PIGG: variants seen among roughly 807,000 people sequenced by gnomAD.
The protein encoded by PIGG is GPI ethanolamine phosphate transferase 2, catalytic subunit.
A neutral mutation model predicts 83.2 loss-of-function variants in PIGG; 70 were observed. The observed-to-expected ratio is 0.84, with a 90% confidence interval of 0.69 to 1.03. The LOEUF (loss-of-function observed/expected upper bound fraction) is 1.03, where lower values mean the gene tolerates loss of function less well. Among genes scored for constraint, PIGG ranks in the 50% least tolerant of loss-of-function variants. The probability of loss-of-function intolerance (pLI) is 0.00; values close to 1 mark genes in which losing one functional copy is unlikely to be tolerated. For missense variants in PIGG, 1,257 were observed against 1,233.6 expected (o/e 1.02, Z -0.28); for synonymous variants, 532 against 519.5 (o/e 1.02, Z -0.33).
chr4:510,651 C>T (rs1721593539), intron 5 of PIGG, among the ~76,000 whole-genome samples: 1 of 152,226 alleles, frequency 6.6e-6, no homozygotes, highest in South Asian at 2.1e-4. Context: ...TCATCACCAG[C>T]TTCAGTCCTG....
intron 3 of PIGG, chr4:506,813 G>A: frequency 2.2e-6 from 1 of 456,180 alleles, no homozygotes; most frequent in Non-Finnish European, 4.4e-6. Context: ...CCTTCTTGTA[G>A]GACACATGTA....
chr4:521,700 G>C lies in PIGG; in HGVS notation c.1373G>C (p.Arg458Pro), dbSNP rs13115344. Residue 458 changes from arginine to proline, a missense_variant, in exon 8 of 13, where the codon CGC becomes CCC. Transcript: ENST00000453061. ...CTGCTCAGCGTCCCACAGGCACTGC[G>C]CAGAAAGGCTGAGCTGGAAGTCCCA... ...LLLLSVPQAL[R>P]RKAELEVPLS... The C allele has an allele frequency of 1.2e-6, 2 of 1,613,710 alleles. No homozygotes were observed. Among genetic ancestry groups the C allele is most frequent in the African/African-American group, 2.7e-5 (2 of 74,840 alleles).
chr4:522,366 G>A (rs917219246), intron 8 of PIGG: 8 of 313,336 alleles, frequency 2.6e-5, no homozygotes, highest in African/African-American at 1.1e-4. Flanking sequence ...AGACTTGGTC[G>A]CACCACTCAT....
At chr4:501,274 G>C in intron 2 of PIGG, 1 of 392,552 alleles carries the variant, frequency 2.5e-6, no homozygotes, top group Non-Finnish European at 5.0e-6. Flanking sequence ...CCTTCATGTA[G>C]CTTTTAGTCT....
intron 11 of PIGG, chr4:532,827 A>G (rs1729387350): frequency 6.6e-6 from 1 of 152,570 alleles, no homozygotes; most frequent in Non-Finnish European, 1.5e-5. Flanking sequence ...AAAGGTCAGC[A>G]TGACAGGCAA....
At chr4:511,723 T>G (rs1223468973) in intron 5 of PIGG, among the ~76,000 whole-genome samples, 2 of 152,288 alleles carry the variant, frequency 1.3e-5, no homozygotes, top group African/African-American at 2.4e-5. Context: ...ACCTGAAATT[T>G]GATCTAGAGT....
chr4:540,154 ACT>A lies in PIGG; in HGVS notation c.*788_*789del, dbSNP rs1465520306. On this transcript the variant is annotated 3_prime_UTR_variant, in exon 13 of 13. Transcript: ENST00000453061. ...ACTCCAGCCAGGACAACAGAGTGAG[ACT>A]CTTGTCTTTAAAATGAAAAAATAAA... 1.3e-5 allele frequency: 2 copies of A among 150,814 alleles called. No individual in the cohort carries two copies. Among genetic ancestry groups the A allele is most frequent in the Admixed American group, 6.6e-5 (1 of 15,198 alleles). 9.3% of individuals were successfully genotyped at this position (150,814 alleles called of 1,614,324 possible).
chr4:505,715 C>T lies in PIGG; in HGVS notation c.361-3C>T, dbSNP rs1354067618. The stretch of plus-strand genomic sequence containing the variant: ...GCCTAATTCTTGCATTTTCTGACTG[C>T]AGGCATTGATGACGGGGAGCCTTCC... On this transcript the variant is annotated splice_region_variant and splice_polypyrimidine_tract_variant and intron_variant, in intron 2 of 12. Transcript: ENST00000453061. 1.2e-6 allele frequency: 2 copies of T among 1,611,132 alleles called. No homozygotes were observed. The highest frequency in any genetic ancestry group is 2.7e-5 in the African/African-American group (2 of 74,802).
Position 528,543 on chromosome 4 carries a change from AC to A in PIGG, c.2261+1314del. ...CAGTGAGAGTGTAGCAGGCCGTCAT[AC>A]GGGGCCGGGGCCTGGGGCAGAGAGG... On this transcript the variant is annotated intron_variant, in intron 10 of 12. Coordinates refer to ENST00000453061, the MANE Select transcript of PIGG (RefSeq NM_001127178.3). The surrounding 1 kb of genome is among the most constrained non-coding windows in gnomAD (Gnocchi z 4.8). 1 of 985,274 alleles carries A rather than the reference AC, an allele frequency of 1.0e-6. No homozygotes were observed. Among genetic ancestry groups the A allele is most frequent in the South Asian group, 4.7e-5 (1 of 21,282 alleles). 61.0% of individuals were successfully genotyped at this position (985,274 alleles called of 1,614,324 possible).
intron 2 of PIGG, chr4:501,971 C>G (rs1345776953): frequency 6.6e-6 from 1 of 152,220 alleles, no homozygotes; most frequent in African/African-American, 2.4e-5. Context: ...CACCTTTGAA[C>G]ACAGCACTCA....
At chr4:535,597 G>T (rs947924844) in intron 12 of PIGG, among the ~76,000 whole-genome samples, 1 of 152,098 alleles carries the variant, frequency 6.6e-6, no homozygotes, top group Non-Finnish European at 1.5e-5. Context: ...TGGCCTCTCC[G>T]CTGAGCAGTG....
chr4:523,832 C>A lies in PIGG; in HGVS notation c.1988C>A (p.Ala663Asp), dbSNP rs928758188. 6.2e-7 allele frequency: 1 copy of A among 1,609,292 alleles called. No homozygotes were observed. The highest frequency in any genetic ancestry group is 1.7e-5 in the Admixed American group (1 of 59,360). The change falls in exon 9 of 13, where the codon GCC (alanine) becomes GAC (aspartate). Residue 663 changes from alanine (A) to aspartate (D), a missense_variant. By Grantham distance (126) the Ala-to-Asp change is moderately radical. Coordinates refer to ENST00000453061, the MANE Select transcript of PIGG (RefSeq NM_001127178.3). ...MVLASPWLIL[A>D]CCRLLRSLNQ... ...CTGGCCAGTCCGTGGCTAATACTGG[C>A]CTGCTGCCGGCTGCTGCGCTCCCTA... is the stretch of plus-strand genomic sequence containing the variant.
Position 527,812 on chromosome 4 carries a change from T to G in PIGG, c.2261+582T>G, listed in dbSNP as rs904849067. 8.1e-6 allele frequency: 8 copies of G among 985,280 alleles called. No homozygotes were observed. The African/African-American group carries it at 1.4e-4, about 17-fold the overall frequency. The allele number at this position is 985,280 out of a possible 1,614,324, so 61.0% of individuals were successfully genotyped here. On this transcript the variant is annotated intron_variant, in intron 10 of 12. Transcript: ENST00000453061. ...GCAACTGTGTTTCTGATTTTAATTG[T>G]GTTGTGGTGGTGAACACAGGAGTGG...
chr4:512,055 T>C (rs1398288049), intron 5 of PIGG, among the ~76,000 whole-genome samples: 1 of 152,196 alleles, frequency 6.6e-6, no homozygotes, highest in Non-Finnish European at 1.5e-5. Context: ...ATTGAGCTTC[T>C]TGCATGTGTA....
chr4:538,425 C>T (rs989128190), intron 12 of PIGG, among the ~76,000 whole-genome samples: 1 of 152,228 alleles, frequency 6.6e-6, no homozygotes, highest in Admixed American at 6.5e-5. Flanking sequence ...CTCCACACCA[C>T]AGCAGGGAGA....
intron 12 of PIGG, among the ~76,000 whole-genome samples, chr4:534,990 T>C (rs1730114707): frequency 6.6e-6 from 1 of 152,238 alleles, no homozygotes. Context: ...CCGTCTTCTC[T>C]GCAGCGTTCC....
intron 3 of PIGG, among the ~76,000 whole-genome samples, chr4:506,362 C>T (rs180781050): frequency 5.0e-4 from 76 of 152,288 alleles, no homozygotes; most frequent in Non-Finnish European, 7.8e-4. Context: ...GGCAGGTGGC[C>T]GACTGGGTGG....
rs2108737629 is a variant in PIGG, at chr4:499,450, G to C, written c.115G>C (p.Glu39Gln). 6.2e-7 allele frequency: 1 copy of C among 1,604,210 alleles called. No individual in the cohort carries two copies. Among genetic ancestry groups the C allele is most frequent in the East Asian group, 2.2e-5 (1 of 44,784 alleles). Residue 39 changes from glutamate (E) to glutamine (Q), a missense_variant, in exon 1 of 13, where the codon GAA (glutamate) becomes CAA (glutamine). Coordinates refer to ENST00000453061, the MANE Select transcript of PIGG (RefSeq NM_001127178.3). ...TCCCGTTCGTTCCTCTGCCAGAGCGGAACACGGAGCGGAGCCCCCAGCGCC... is the reference window on the plus strand; with the variant it reads ...TCCCGTTCGTTCCTCTGCCAGAGCGCAACACGGAGCGGAGCCCCCAGCGCC... ...PAPVRSSARA[E>Q]HGAEPPAPEP... is the part of the protein sequence containing the mutation.
At chr4:512,708 A>G (rs187397455) in intron 5 of PIGG, among the ~76,000 whole-genome samples, 3,054 of 151,936 alleles carry the variant, frequency 0.02, 112 homozygotes, top group African/African-American at 0.07. Flanking sequence ...CCAGCTACTC[A>G]GGACGCTGAG....
Sources: allele counts gnomAD v4.1 joint callset (sites outside exome capture counted in the v4.1 genomes callset), GRCh38; gene constraint gnomAD v4.1.1; non-coding constraint Gnocchi (gnomAD v3.1); transcripts MANE v1.5; gene names NCBI Gene and HGNC (gene_info 2026-07-23, HGNC 2026-07-21).